The following ZNF219 variants were observed in gnomAD, a reference collection of about 807,000 sequenced individuals.
The protein encoded by ZNF219 is zinc finger protein 219.
In ZNF219, 17 loss-of-function variants were observed where a neutral mutation model predicts 54.4. The ratio of observed to expected loss-of-function variants is 0.31; its 90% CI spans 0.21 to 0.47. ZNF219 has a LOEUF of 0.47. Among genes scored for constraint, ZNF219 ranks in the 20% least tolerant of loss-of-function variants. ZNF219 has a pLI of 1.00. For missense variants in ZNF219, 1,014 were observed against 1,062.3 expected (o/e 0.95, Z 0.63); for synonymous variants, 518 against 476.4 (o/e 1.09, Z -1.14).
chr14:21,102,874 G>C, upstream of ZNF219: 1 of 1,476,784 alleles, frequency 6.8e-7, no homozygotes, highest in South Asian at 1.3e-5. Flanking sequence ...AAATAATGGG[G>C]CAGGAGAGAA....
chr14:21,090,376 G>T lies in ZNF219; in HGVS notation c.*160C>A. 2 of 1,004,874 alleles carry T rather than the reference G, an allele frequency of 2.0e-6. No homozygotes were observed. The highest frequency in any genetic ancestry group is 1.5e-5 in the South Asian group (1 of 65,644). The allele number at this position is 1,004,874 out of a possible 1,614,324, so 62.2% of individuals were successfully genotyped here. On this transcript the variant is annotated 3_prime_UTR_variant, in exon 5 of 5. Coordinates refer to ENST00000360947, the MANE Select transcript of ZNF219 (RefSeq NM_016423.3). The surrounding 1 kb of genome is among the most constrained non-coding windows in gnomAD (Gnocchi z 4.4). ...CCCTTGGGCTGGGTGGGTACCGCCA[G>T]CCCACCCTCCTACGCCCGCCGCGCC... is the stretch of plus-strand genomic sequence containing the variant.
At chr14:21,098,661 G>T, upstream of ZNF219, 2 of 1,028,474 alleles carry the variant, frequency 1.9e-6, no homozygotes, top group Non-Finnish European at 2.3e-6. Context: ...GAGACGGGGG[G>T]CGCTGTCGGA....
At chr14:21,103,383 G>A (rs1889772361), upstream of ZNF219, 5 of 1,420,532 alleles carry the variant, frequency 3.5e-6, no homozygotes, top group Middle Eastern at 2.6e-4. Flanking sequence ...CCCTTTTTTC[G>A]TTCCTTCCCT....
Position 21,091,538 on chromosome 14 carries a change from C to A in ZNF219, c.1437G>T (p.Glu479Asp). The A allele has an allele frequency of 6.3e-7, 1 of 1,599,896 alleles. No homozygotes were observed. Among genetic ancestry groups the A allele is most frequent in the South Asian group, 1.1e-5 (1 of 90,734 alleles). The stretch of plus-strand genomic sequence containing the variant: ...GGGTCCCTCCAACCAACAGCCCATT[C>A]TCTTCTGCAACACATACGTTAAGAG... ...AQARSTATQE[E>D]NGLLVGGTRP... Residue 479 changes from glutamate to aspartate, a missense_variant, in exon 4 of 5, where the codon GAG (glutamate) becomes GAT (aspartate). Around this residue, in one of 5 missense-constraint regions of ZNF219, gnomAD observed 272 missense variants for 248.9 expected, o/e 1.09. Transcript: ENST00000360947.
rs894761479 is a variant in ZNF219 at position 21,098,370 on chromosome 14, G to A, written c.-142C>T. On this transcript the variant is annotated 5_prime_UTR_variant, in exon 1 of 5. Coordinates refer to ENST00000360947, the MANE Select transcript of ZNF219 (RefSeq NM_016423.3). ...GGCGGCGGCGGCGGCGGCGGGCGGCGGGCCGGCGGCGCGGGCGTCAGCGTT... is the reference window on the plus strand; with the variant it reads ...GGCGGCGGCGGCGGCGGCGGGCGGCAGGCCGGCGGCGCGGGCGTCAGCGTT... The A allele has an allele frequency of 1.7e-5, 8 of 470,308 alleles. No individual in the cohort carries two copies. Among genetic ancestry groups the A allele is most frequent in the Non-Finnish European group, 1.7e-5 (6 of 363,268 alleles). The allele number at this position is 470,308 out of a possible 1,614,324, so 29.1% of individuals were successfully genotyped here.
chr14:21,097,573 A>C (rs369793244), intron 1 of ZNF219, among the ~76,000 whole-genome samples: 103 of 152,096 alleles, frequency 6.8e-4, no homozygotes, highest in African/African-American at 2.4e-3. Flanking sequence ...CCAGAAATAG[A>C]TTGCTAAGTA....
At chr14:21,091,685 C>G (rs916719345) in intron 3 of ZNF219, 143 bp from the exon 4 acceptor site, 4 of 1,463,726 alleles carry the variant, frequency 2.7e-6, no homozygotes, top group Non-Finnish European at 3.6e-6. Flanking sequence ...TTTGTTGTGA[C>G]TAAAGAGTTA....
chr14:21,092,309 G>A lies in ZNF219; in HGVS notation c.988C>T (p.Pro330Ser), dbSNP rs1369262837. ...HMKVHASKLG[P>S]LRAPGPASGP... The stretch of plus-strand genomic sequence containing the variant: ...GAGGCAGGCCCCGGGGCACGCAGTG[G>A]GCCCAGCTTGCTGGCGTGCACCTTC... The change falls in exon 3 of 5, where the codon CCA (proline) becomes TCA (serine). Residue 330 changes from proline to serine, a missense_variant. Transcript: ENST00000360947. 2 of 1,545,600 alleles carry A rather than the reference G, an allele frequency of 1.3e-6. No homozygotes were observed. The highest frequency in any genetic ancestry group is 2.7e-5 in the African/African-American group (2 of 73,436).
At chr14:21,094,789 AC>A (rs962341368) in intron 1 of ZNF219, among the ~76,000 whole-genome samples, 2 of 147,224 alleles carry the variant, frequency 1.4e-5, no homozygotes, top group African/African-American at 5.1e-5. Flanking sequence ...CTTAGAAGAA[AC>A]CCCAGAATCA....
intron 3 of ZNF219, 74 bp from the exon 4 acceptor site, chr14:21,091,616 C>T: frequency 2.0e-6 from 3 of 1,537,086 alleles, no homozygotes; most frequent in African/African-American, 1.4e-5. Flanking sequence ...ACCCCACACC[C>T]ATCCCATAGG....
chr14:21,098,922 TG>T, upstream of ZNF219: 1 of 1,199,666 alleles, frequency 8.3e-7, no homozygotes, highest in South Asian at 1.3e-5. Flanking sequence ...GTCTCTCTTT[TG>T]GGGGAGGAGG....
rs565005153 is a variant in ZNF219 at position 21,090,610 on chromosome 14, G to A, written c.2095C>T (p.Pro699Ser). 2 of 1,611,662 alleles carry A rather than the reference G, an allele frequency of 1.2e-6. No individual in the cohort carries two copies. The highest frequency in any genetic ancestry group is 1.3e-5 in the African/African-American group (1 of 75,052). Residue 699 changes from proline (P) to serine (S), a missense_variant, in exon 5 of 5, where the codon CCT (proline) becomes TCT (serine). Transcript: ENST00000360947. This position sits in a 1 kb window ranked among gnomAD's most constrained non-coding sequence, Gnocchi z 4.4. The part of the protein sequence containing the change: ...RVPSGETPPS[P>S]SQEGEEGSGL... ...GAGCCCTCCTCCCCTTCCTGCGAAG[G>A]ACTGGGAGGGGTCTCTCCTGATGGT... is the stretch of plus-strand genomic sequence containing the variant.
In ZNF219 at chr14:21,090,156, TCTACAGGG is replaced by T; in HGVS notation, c.*372_*379del. 1 of 487,238 alleles carries T rather than the reference TCTACAGGG, an allele frequency of 2.1e-6. No homozygotes were observed. Among genetic ancestry groups the T allele is most frequent in the Non-Finnish European group, 4.0e-6 (1 of 250,030 alleles). The allele number at this position is 487,238 out of a possible 1,614,324, so 30.2% of individuals were successfully genotyped here. A position where few individuals can be genotyped will look rare whatever the true frequency, so the allele number is the denominator to read the frequency against. ...AGGAATCGTACCAAAAATAGCGACG[TCTACAGGG>T]CCCCTGATGGGGCTAGAAGGGTACA... is the stretch of plus-strand genomic sequence containing the variant. On this transcript the variant is annotated 3_prime_UTR_variant, in exon 5 of 5. Transcript: ENST00000360947. The surrounding 1 kb of genome is among the most constrained non-coding windows in gnomAD (Gnocchi z 4.4).
upstream of ZNF219, chr14:21,102,296 G>T: frequency 1.4e-6 from 2 of 1,436,992 alleles, no homozygotes; most frequent in Non-Finnish European, 1.9e-6. Context: ...GGCCCTGTTT[G>T]GAGGCTGAGA....
In ZNF219 at chr14:21,098,338, GGGCGGCGGC is replaced by G. The variant is rs907341179; in HGVS notation, c.-119_-111del. 2.1e-4 allele frequency: 51 copies of G among 238,966 alleles called. No homozygotes were observed. The highest frequency in any genetic ancestry group is 4.1e-4 in the South Asian group (3 of 7,390). 14.8% of individuals were successfully genotyped at this position (238,966 alleles called of 1,614,324 possible). A position where few individuals can be genotyped will look rare whatever the true frequency, so the allele number is the denominator to read the frequency against. On this transcript the variant is annotated 5_prime_UTR_variant, in exon 1 of 5. Transcript: ENST00000360947. Reference sequence around the variant, plus strand: ...AGCCCCGGGCGGGCGGCGGCGGAGCGGGCGGCGGCGGCGGCGGCGGCGGCGGGCGGCGGG... The same window carrying G: ...AGCCCCGGGCGGGCGGCGGCGGAGCGGGCGGCGGCGGCGGCGGGCGGCGGG...
Position 21,090,470 on chromosome 14 carries a change from A to G in ZNF219, c.*66T>C. 3 of 1,518,834 alleles carry G rather than the reference A, an allele frequency of 2.0e-6. No homozygotes were observed. Among genetic ancestry groups the G allele is most frequent in the Non-Finnish European group, 2.7e-6 (3 of 1,130,622 alleles). The allele number at this position is 1,518,834 out of a possible 1,614,324, so 94.1% of individuals were successfully genotyped here. A position where few individuals can be genotyped will look rare whatever the true frequency, so the allele number is the denominator to read the frequency against. ...TGCCCCCTGCTGGCTTCTCTACCCA[A>G]CTACCTCTAGCGCTCCCCCGCTCCG... On this transcript the variant is annotated 3_prime_UTR_variant, in exon 5 of 5. Transcript: ENST00000360947. This position sits in a 1 kb window ranked among gnomAD's most constrained non-coding sequence, Gnocchi z 4.4.
At chr14:21,102,676 C>A, upstream of ZNF219, 3 of 1,551,584 alleles carry the variant, frequency 1.9e-6, no homozygotes, top group Non-Finnish European at 2.6e-6. Flanking sequence ...GAGGCCTTCA[C>A]CCTAGGGGGA....
At position 21,091,067 on chromosome 14, in the gene ZNF219, C is replaced by T; in HGVS notation, c.1638G>A (p.Gln546=). The part of the protein sequence containing the change: ...TQSGSLKYHL[Q]RHHREQRSGA... ...CGCTCCTCTGCTCCCGGTGGTGGCG[C>T]TGTAGGTGATACTTGAGCGAGCCGG... Residue 546 remains glutamine, a synonymous_variant, in exon 5 of 5, where the codon CAG becomes CAA. Transcript: ENST00000360947. 1 of 1,566,842 alleles carries T rather than the reference C, an allele frequency of 6.4e-7. No homozygotes were observed. Among genetic ancestry groups the T allele is most frequent in the Non-Finnish European group, 8.6e-7 (1 of 1,161,522 alleles).
chr14:21,091,640 G>T (rs532653893), intron 3 of ZNF219, 98 bp from the exon 4 acceptor site: 53 of 1,500,342 alleles, frequency 3.5e-5, no homozygotes, highest in Non-Finnish European at 4.6e-5. Context: ...GCTTCCCCTC[G>T]GGGTCCAGGA....
Sources: gnomAD v4.1 joint callset for allele counts (sites outside exome capture counted in the v4.1 genomes callset) on GRCh38, gnomAD v4.1.1 for gene constraint, gnomAD v4.1.1 regional missense constraint, Gnocchi (gnomAD v3.1) non-coding constraint, MANE v1.5 for transcripts, NCBI Gene and HGNC (gene_info 2026-07-23, HGNC 2026-07-21) for gene names.